The following TNS3 variants were observed in gnomAD, a reference collection of about 807,000 sequenced individuals.
TNS3 encodes tensin 3, also known as tensin-3.
TNS3 carries 45 observed loss-of-function variants against 140.9 expected under a neutral mutation model. The observed-to-expected ratio is 0.32, with a 90% CI of 0.25 to 0.41. The LOEUF is 0.41. TNS3 is among the 10% of genes least tolerant of loss of function. The pLI, the probability that TNS3 is intolerant of heterozygous loss-of-function variation, is 1.00. For missense variants in TNS3, 1,716 were observed against 1,906.7 expected, an observed-to-expected ratio of 0.90 and a Z score of 1.86; for synonymous variants, 815 against 788.4, an observed-to-expected ratio of 1.03 and a Z score of -0.56.
intron 2 of TNS3, among the ~76,000 whole-genome samples, chr7:47,517,824 C>T (rs1798830041): frequency 6.6e-6 from 1 of 152,070 alleles, no homozygotes; most frequent in Non-Finnish European, 1.5e-5. Context: ...ACAGTCATTT[C>T]TGTATCGGGG....
chr7:47,382,833 CAT>C (rs536410169), intron 16 of TNS3, among the ~76,000 whole-genome samples: 22 of 152,326 alleles, frequency 1.4e-4, no homozygotes, highest in African/African-American at 4.8e-4. Flanking sequence ...AAAAAATCTG[CAT>C]ATAAGTGGAC....
At chr7:47,344,645 C>A in intron 20 of TNS3, 110 bp downstream of exon 20, 1 of 1,013,450 alleles carries the variant, frequency 9.9e-7, no homozygotes, top group Non-Finnish European at 1.5e-6. Context: ...TTCTGAGATA[C>A]GACACAAATG....
intron 13 of TNS3, among the ~76,000 whole-genome samples, chr7:47,406,121 G>A (rs1052818091): frequency 1.6e-4 from 25 of 152,144 alleles, no homozygotes; most frequent in Non-Finnish European, 3.4e-4. Context: ...GTCTGACAAT[G>A]CCATATTTAC....
At chr7:47,520,209 C>A (rs1053123825) in intron 2 of TNS3, among the ~76,000 whole-genome samples, 1 of 152,166 alleles carries the variant, frequency 6.6e-6, no homozygotes, top group Non-Finnish European at 1.5e-5. Context: ...CACAGCACTG[C>A]CTCTTCCCTG....
At chr7:47,361,437 G>C (rs531564006) in intron 17 of TNS3, among the ~76,000 whole-genome samples, 1 of 152,040 alleles carries the variant, frequency 6.6e-6, no homozygotes, top group South Asian at 2.1e-4. Context: ...GCCTCACAAG[G>C]CCTGGCTGAG....
intron 16 of TNS3, among the ~76,000 whole-genome samples, chr7:47,369,825 T>C (rs1204042411): frequency 6.6e-6 from 1 of 152,208 alleles, no homozygotes; most frequent in Non-Finnish European, 1.5e-5. Flanking sequence ...CAAATAAACA[T>C]CTTCAGGTGC....
intron 20 of TNS3, among the ~76,000 whole-genome samples, chr7:47,333,118 T>A (rs909935017): frequency 1.3e-5 from 2 of 152,080 alleles, no homozygotes; most frequent in Admixed American, 6.5e-5. Flanking sequence ...TTTTTTTTTT[T>A]AGCTTCATCA....
intron 1 of TNS3, among the ~76,000 whole-genome samples, chr7:47,533,512 C>A (rs1266109975): frequency 3.3e-5 from 5 of 150,868 alleles, no homozygotes; most frequent in Admixed American, 2.0e-4. Flanking sequence ...GTGGCTATAT[C>A]AGACAAAGTA....
chr7:47,552,852 AG>A (rs1177760033), intron 1 of TNS3, among the ~76,000 whole-genome samples: 1 of 152,252 alleles, frequency 6.6e-6, no homozygotes, highest in African/African-American at 2.4e-5. Context: ...GCTAAAAGCC[AG>A]GCCTCTCATG....
chr7:47,556,212 G>A lies in TNS3; in HGVS notation c.-265+25839C>T, dbSNP rs1800191432. 5.9e-5 allele frequency among the ~76,000 whole-genome samples: 9 copies of A among 152,264 alleles called. 1 individual carries two copies. The South Asian group carries it at 1.9e-3, about 32-fold the overall frequency. ...TTGTAGAATAACCCTGTTGACAATTGAGCAGTAAGAGGTTCTAGTAAACTG... is the reference window on the plus strand; with the variant it reads ...TTGTAGAATAACCCTGTTGACAATTAAGCAGTAAGAGGTTCTAGTAAACTG... On this transcript the variant is annotated intron_variant, in intron 1 of 30. Transcript: ENST00000311160.
intron 3 of TNS3, among the ~76,000 whole-genome samples, chr7:47,492,086 T>C (rs1797835784): frequency 1.3e-5 from 2 of 152,236 alleles, no homozygotes; most frequent in Admixed American, 6.5e-5. Context: ...GCCTACTGAG[T>C]GGGGACCTTA....
chr7:47,284,387 GA>G (rs1383075659), intron 27 of TNS3, among the ~76,000 whole-genome samples: 5 of 152,176 alleles, frequency 3.3e-5, no homozygotes, highest in African/African-American at 4.8e-5. Context: ...GAACAGGCTG[GA>G]AAAAGCCAAA....
intron 2 of TNS3, among the ~76,000 whole-genome samples, chr7:47,507,537 A>G (rs1427864487): frequency 6.6e-6 from 1 of 152,162 alleles, no homozygotes; most frequent in Non-Finnish European, 1.5e-5. Context: ...CTAAATTCCT[A>G]TAGGAGAATC....
At chr7:47,528,066 C>T (rs1190857980) in intron 2 of TNS3, among the ~76,000 whole-genome samples, 1 of 152,134 alleles carries the variant, frequency 6.6e-6, no homozygotes, top group Non-Finnish European at 1.5e-5. Context: ...GGCCGGTACC[C>T]ACCACTCATC....
At chr7:47,374,242 G>A (rs1172070734) in intron 16 of TNS3, among the ~76,000 whole-genome samples, 3 of 152,192 alleles carry the variant, frequency 2.0e-5, no homozygotes, top group Non-Finnish European at 4.4e-5. Context: ...CAGTGTGCTT[G>A]GAACCAGGGG....
At chr7:47,577,174 C>A (rs1180948585) in intron 1 of TNS3, among the ~76,000 whole-genome samples, 1 of 152,192 alleles carries the variant, frequency 6.6e-6, no homozygotes. Context: ...GTCAGCAGGG[C>A]ACCCGTATTC....
intron 1 of TNS3, among the ~76,000 whole-genome samples, chr7:47,573,075 G>T (rs1800595108): frequency 6.6e-6 from 1 of 152,174 alleles, no homozygotes; most frequent in African/African-American, 2.4e-5. Context: ...CTCAAACCAC[G>T]TGGTCCCAAT....
chr7:47,425,121 C>A (rs1298275563), intron 9 of TNS3, among the ~76,000 whole-genome samples: 1 of 152,196 alleles, frequency 6.6e-6, no homozygotes, highest in East Asian at 1.9e-4. Flanking sequence ...GAGTTCAAGA[C>A]CAGCCTGGTC....
Position 47,400,927 on chromosome 7 carries a change from G to C in TNS3, c.724-13C>G, listed in dbSNP as rs1562692577. 13 of 1,613,960 alleles carry C rather than the reference G, an allele frequency of 8.1e-6. No individual in the cohort carries two copies. The East Asian group carries it at 2.9e-4, about 36-fold the overall frequency. On this transcript the variant is annotated splice_polypyrimidine_tract_variant and intron_variant, in intron 13 of 30. Coordinates refer to ENST00000311160, the MANE Select transcript of TNS3 (RefSeq NM_022748.12). Reference sequence around the variant, plus strand: ...GGTAGCATTTCACCTGGGTTAGAGAGACAAAACAAAACAAAGTAGCTGCAG... The same window carrying C: ...GGTAGCATTTCACCTGGGTTAGAGACACAAAACAAAACAAAGTAGCTGCAG...
Sources: allele counts gnomAD v4.1 joint callset (sites outside exome capture counted in the v4.1 genomes callset), GRCh38; gene constraint gnomAD v4.1.1; transcripts MANE v1.5; gene names NCBI Gene and HGNC (gene_info 2026-07-23, HGNC 2026-07-21).